CHMP5: variants seen among roughly 807,000 people sequenced by gnomAD.
CHMP5 encodes the protein SNF7 domain containing 2.
In CHMP5, 17 loss-of-function variants were observed where a neutral mutation model predicts 33.0. The ratio of observed to expected loss-of-function variants is 0.52; its 90% CI spans 0.35 to 0.77. CHMP5 has a LOEUF of 0.77. Among genes scored for constraint, CHMP5 ranks in the 30% least tolerant of loss-of-function variants. The pLI is 0.01. For missense variants in CHMP5, 216 were observed against 261.5 expected, an observed-to-expected ratio of 0.83 and a Z score of 1.20; for synonymous variants, 76 against 90.2, an observed-to-expected ratio of 0.84 and a Z score of 0.89.
At position 33,270,611 on chromosome 9, in the gene CHMP5, G is replaced by C; in HGVS notation, c.222-12G>C. The C allele has an allele frequency of 6.2e-7, 1 of 1,607,348 alleles. No individual in the cohort carries two copies. Among genetic ancestry groups the C allele is most frequent in the African/African-American group, 1.3e-5 (1 of 74,674 alleles). ...GTTCATATATTTGCCATTCTCAATTGACTCTAAAAAGGTATGAGCAGCAGC... is the reference window on the plus strand; with the variant it reads ...GTTCATATATTTGCCATTCTCAATTCACTCTAAAAAGGTATGAGCAGCAGC... On this transcript the variant is annotated splice_polypyrimidine_tract_variant and intron_variant, in intron 3 of 7. Transcript: ENST00000223500.
At position 33,265,132 on chromosome 9, in the gene CHMP5, T is replaced by G; in HGVS notation, c.54T>G (p.Thr18=). 6.2e-7 allele frequency: 1 copy of G among 1,614,166 alleles called. No homozygotes were observed. Among genetic ancestry groups the G allele is most frequent in the Non-Finnish European group, 8.5e-7 (1 of 1,180,014 alleles). The change falls in exon 1 of 8, where the codon ACT becomes ACG. Residue 18 remains threonine, a synonymous_variant. Transcript: ENST00000223500. ...CCAAGGCTCCGCCGCCCAGCCTGAC[T>G]GACTGCATTGGCACGGTGGGCATTT... ...AKPKAPPPSL[T]DCIGTVDSRA...
chr9:33,280,750 C>A, intron 7 of CHMP5, 59 bp from the exon 8 acceptor site: 1 of 1,405,534 alleles, frequency 7.1e-7, no homozygotes, highest in Non-Finnish European at 9.9e-7. Context: ...TGTTTGTAAT[C>A]CTTTTTTTTT....
Position 33,270,994 on chromosome 9 carries a change from A to T in CHMP5, c.316-158A>T, listed in dbSNP as rs548933700. ...CTACCTGGGAGTCTGAGGCAGGAGA[A>T]TCACTTGAACCCAGGAGGCGGAGGT... On this transcript the variant is annotated intron_variant, in intron 4 of 7. Coordinates refer to ENST00000223500, the MANE Select transcript of CHMP5 (RefSeq NM_016410.6). Among the ~76,000 whole-genome samples the T allele has an allele frequency of 3.8e-3, 580 of 152,262 alleles. 3 individuals are homozygous for T. Among genetic ancestry groups the T allele is most frequent in the African/African-American group, 0.013 (539 of 41,542 alleles).
At chr9:33,269,701 G>A (rs1587797353) in intron 3 of CHMP5, among the ~76,000 whole-genome samples, 1 of 151,998 alleles carries the variant, frequency 6.6e-6, no homozygotes, top group Admixed American at 6.6e-5. Flanking sequence ...CAGGCCGGGT[G>A]CGGTGGCTCA....
At chr9:33,276,422 A>G (rs1039386058) in intron 5 of CHMP5, 34 bp from the exon 6 acceptor site, 2 of 1,223,476 alleles carry the variant, frequency 1.6e-6, no homozygotes, top group Non-Finnish European at 2.4e-6. Flanking sequence ...AAAATGGTAA[A>G]TGAGAGAAAA....
chr9:33,274,283 A>G (rs371261713), intron 5 of CHMP5, among the ~76,000 whole-genome samples: 1 of 152,134 alleles, frequency 6.6e-6, no homozygotes, highest in East Asian at 1.9e-4. Context: ...CATGTTCCCC[A>G]GGTTGGTCCC....
intron 1 of CHMP5, among the ~76,000 whole-genome samples, chr9:33,265,726 TAGGGAAATTCCAACTCAACTC>T: frequency 1.3e-5 from 2 of 152,342 alleles, no homozygotes; most frequent in Admixed American, 1.3e-4. Context: ...TCTCTGATTC[TAGGGAAATTCCAACTCAACTC>T]AGTGATTCTC....
chr9:33,268,713 A>G (rs937370510), intron 3 of CHMP5, among the ~76,000 whole-genome samples: 1 of 152,232 alleles, frequency 6.6e-6, no homozygotes, highest in Non-Finnish European at 1.5e-5. Flanking sequence ...CTTTTTTGTT[A>G]TAAAAAGAAT....
intron 6 of CHMP5, among the ~76,000 whole-genome samples, chr9:33,277,319 C>T (rs1024775125): frequency 2.0e-5 from 3 of 151,928 alleles, no homozygotes; most frequent in Non-Finnish European, 2.9e-5. Context: ...ATTCATGAAC[C>T]TTCTCTAGCA....
chr9:33,267,822 T>C (rs751832153), intron 2 of CHMP5, 31 bp from the exon 3 acceptor site: 1 of 1,542,416 alleles, frequency 6.5e-7, no homozygotes, highest in South Asian at 1.1e-5. Flanking sequence ...GTTTTCCACC[T>C]TATTTTTATT....
At position 33,276,513 on chromosome 9, in the gene CHMP5, C is replaced by G. The variant is rs1373063117; in HGVS notation, c.445C>G (p.Leu149Val). ...MEDANEIQEA[L>V]SRSYGTPELD... is the part of the protein sequence containing the mutation. ...AGATGCAAATGAAATCCAAGAAGCA[C>G]TGAGTCGCAGTTATGGCACCCCAGA... The change falls in exon 6 of 8, where the codon CTG becomes GTG. Residue 149 changes from leucine to valine, a missense_variant. Transcript: ENST00000223500. 5 of 1,612,058 alleles carry G rather than the reference C, an allele frequency of 3.1e-6. No individual in the cohort carries two copies. The highest frequency in any genetic ancestry group is 1.3e-5 in the African/African-American group (1 of 74,860).
intron 3 of CHMP5, 62 bp from the exon 4 acceptor site, chr9:33,270,561 C>A: frequency 7.8e-7 from 1 of 1,285,768 alleles, no homozygotes; most frequent in African/African-American, 1.5e-5. Context: ...TGTGGGGATA[C>A]TTTGTTCTTG....
intron 6 of CHMP5, 54 bp from the exon 7 acceptor site, chr9:33,278,059 G>A: frequency 1.8e-6 from 2 of 1,135,002 alleles, no homozygotes; most frequent in Non-Finnish European, 2.6e-6. Flanking sequence ...GAAATTATTA[G>A]CTGCCAGTTT....
At chr9:33,268,395 T>C (rs1246292830) in intron 3 of CHMP5, among the ~76,000 whole-genome samples, 20 of 152,218 alleles carry the variant, frequency 1.3e-4, no homozygotes, top group Admixed American at 1.3e-3. Flanking sequence ...TAATTTGTTT[T>C]AGGTGACTAT....
Position 33,280,911 on chromosome 9 carries a change from G to C in CHMP5, c.*52G>C. The stretch of plus-strand genomic sequence containing the variant: ...AAAACAAACACATATTATGGGACTA[G>C]GAAATATTTATCTTTCCAAATTTGC... On this transcript the variant is annotated 3_prime_UTR_variant, in exon 8 of 8. Transcript: ENST00000223500. 1 of 1,450,660 alleles carries C rather than the reference G, an allele frequency of 6.9e-7. No homozygotes were observed. The highest frequency in any genetic ancestry group is 9.4e-7 in the Non-Finnish European group (1 of 1,058,650). The allele number at this position is 1,450,660 out of a possible 1,614,324, so 89.9% of individuals were successfully genotyped here.
chr9:33,271,856 T>A (rs1299707353), intron 5 of CHMP5, among the ~76,000 whole-genome samples: 1 of 152,214 alleles, frequency 6.6e-6, no homozygotes. Context: ...CAGTAGTTAC[T>A]TTTAACTAAT....
intron 2 of CHMP5, among the ~76,000 whole-genome samples, chr9:33,267,218 G>A (rs1373433905): frequency 1.3e-5 from 2 of 152,198 alleles, no homozygotes; most frequent in East Asian, 3.8e-4. Context: ...AGAAAAGGAA[G>A]GCTTTTCCCA....
In CHMP5 at chr9:33,265,534, T is replaced by C. The variant is rs540113080; in HGVS notation, c.69+387T>C. ...GTCCACATCAGGACTCAGCTTGATATCCTAGGTCAACATATCTGTGCCTTC... is the reference window on the plus strand; with the variant it reads ...GTCCACATCAGGACTCAGCTTGATACCCTAGGTCAACATATCTGTGCCTTC... On this transcript the variant is annotated intron_variant, in intron 1 of 7. Transcript: ENST00000223500. Among the ~76,000 whole-genome samples the C allele has an allele frequency of 2.6e-5, 4 of 152,310 alleles. No homozygotes were observed. The South Asian group carries it at 8.3e-4, about 32-fold the overall frequency.
chr9:33,269,732 T>C (rs763157670), intron 3 of CHMP5, among the ~76,000 whole-genome samples: 22 of 152,182 alleles, frequency 1.4e-4, no homozygotes, highest in Admixed American at 6.5e-4. Flanking sequence ...CCCAGCACTT[T>C]GGGAGGCCGA....
Sources: gnomAD v4.1 joint callset for allele counts (sites outside exome capture counted in the v4.1 genomes callset) on GRCh38, gnomAD v4.1.1 for gene constraint, MANE v1.5 for transcripts, NCBI Gene and HGNC (gene_info 2026-07-23, HGNC 2026-07-21) for gene names.